The following SLC6A17 variants were observed in gnomAD, a reference collection of about 807,000 sequenced individuals.
SLC6A17 encodes the protein solute carrier family 6 member 17.
Under a neutral mutation model 64.5 loss-of-function variants are expected in SLC6A17, and 21 were observed. The observed-to-expected ratio is 0.33, with a 90% confidence interval of 0.23 to 0.47. SLC6A17 has a LOEUF of 0.47. Among genes scored for constraint, SLC6A17 ranks in the 20% least tolerant of loss-of-function variants. The pLI, the probability that SLC6A17 is intolerant of heterozygous loss-of-function variation, is 1.00. For missense variants in SLC6A17, 682 were observed against 963.2 expected, an observed-to-expected ratio of 0.71 and a Z score of 3.86; for synonymous variants, 372 against 399.5, an observed-to-expected ratio of 0.93 and a Z score of 0.82.
At chr1:110,174,640 C>T in intron 4 of SLC6A17, 139 bp from the exon 5 acceptor site, 1 of 1,075,968 alleles carries the variant, frequency 9.3e-7, no homozygotes, top group East Asian at 2.5e-5. Context: ...CCCGGCTAAC[C>T]CAAGATGAGC....
rs1553206860 is a variant in SLC6A17 at position 110,187,123 on chromosome 1, A to AAAAAAAC, written c.865-4844_865-4843insACAAAAA. On this transcript the variant is annotated intron_variant, in intron 6 of 11. Coordinates refer to ENST00000331565, the MANE Select transcript of SLC6A17 (RefSeq NM_001010898.4). ...CCAGAGCTGTGTTCATCTTGTTAAAAAAAAACAAAAACAAAAACAAAAAAC... is the reference window on the plus strand; with the variant it reads ...CCAGAGCTGTGTTCATCTTGTTAAAAAAAAAACAAAAACAAAAACAAAAACAAAAAAC... Among the ~76,000 whole-genome samples, 430 of 151,766 alleles carry AAAAAAAC rather than the reference A, an allele frequency of 2.8e-3. 1 individual carries two copies. Among genetic ancestry groups the AAAAAAAC allele is most frequent in the African/African-American group, 9.8e-3 (403 of 41,320 alleles).
At position 110,198,300 on chromosome 1, in the gene SLC6A17, G is replaced by A. The variant is rs1161888477; in HGVS notation, c.2040G>A (p.Val680=). 4 of 1,614,154 alleles carry A rather than the reference G, an allele frequency of 2.5e-6. No homozygotes were observed. In the South Asian group the frequency reaches 4.4e-5, roughly 18 times the overall value. The change falls in exon 12 of 12, where the codon GTG becomes GTA. Residue 680 remains valine, a synonymous_variant. Coordinates refer to ENST00000331565, the MANE Select transcript of SLC6A17 (RefSeq NM_001010898.4). ...AGACCCGCTTCATCCTCAGCAAGGT[G>A]CCCAGTGAGGCACCTTCCCCCATGC... The part of the protein sequence containing the change: ...NDETRFILSK[V]PSEAPSPMPT...
Position 110,174,769 on chromosome 1 carries a change from G to C in SLC6A17, c.572-10G>C, listed in dbSNP as rs765632054. The stretch of plus-strand genomic sequence containing the variant: ...CCACTGAGGCCCTGTGACCTTTGCT[G>C]CTATTTCAGTGGTGGAGGCAGAGTG... On this transcript the variant is annotated splice_polypyrimidine_tract_variant and intron_variant, in intron 4 of 11. Coordinates refer to ENST00000331565, the MANE Select transcript of SLC6A17 (RefSeq NM_001010898.4). 14 of 1,613,132 alleles carry C rather than the reference G, an allele frequency of 8.7e-6. No individual in the cohort carries two copies. The highest frequency in any genetic ancestry group is 1.3e-5 in the African/African-American group (1 of 74,926).
At chr1:110,181,006 C>T (rs573391031) in intron 6 of SLC6A17, among the ~76,000 whole-genome samples, 136 of 152,192 alleles carry the variant, frequency 8.9e-4, no homozygotes, top group Admixed American at 3.3e-3. Flanking sequence ...AGACAGTTAC[C>T]GGGTATGATG....
intron 6 of SLC6A17, among the ~76,000 whole-genome samples, chr1:110,183,660 G>C (rs1656589223): frequency 6.6e-6 from 1 of 152,160 alleles, no homozygotes; most frequent in African/African-American, 2.4e-5. Context: ...ATAAGCAGGA[G>C]GGAGAGACTG....
intron 1 of SLC6A17, among the ~76,000 whole-genome samples, chr1:110,155,507 G>C (rs961798024): frequency 1.3e-5 from 2 of 152,118 alleles, no homozygotes; most frequent in African/African-American, 4.8e-5. Context: ...CCTAACTAGG[G>C]AGTTGAGGCA....
At chr1:110,186,260 C>T (rs1254031801) in intron 6 of SLC6A17, among the ~76,000 whole-genome samples, 1 of 151,980 alleles carries the variant, frequency 6.6e-6, no homozygotes, top group Non-Finnish European at 1.5e-5. Flanking sequence ...GTGGCTGCCT[C>T]CATTTATGAA....
intron 2 of SLC6A17, 104 bp downstream of exon 2, chr1:110,167,319 G>A: frequency 7.1e-7 from 1 of 1,413,052 alleles, no homozygotes; most frequent in Non-Finnish European, 9.4e-7. Context: ...AGCCCTTGTA[G>A]GTTGGAGCTC....
chr1:110,193,409 A>T (rs1007846094), intron 8 of SLC6A17, among the ~76,000 whole-genome samples: 2 of 152,194 alleles, frequency 1.3e-5, no homozygotes, highest in Non-Finnish European at 2.9e-5. Context: ...ATTTATACTT[A>T]CATAGCTGGA....
intron 6 of SLC6A17, among the ~76,000 whole-genome samples, chr1:110,190,279 G>A (rs780050990): frequency 6.6e-6 from 1 of 152,178 alleles, no homozygotes; most frequent in Non-Finnish European, 1.5e-5. Context: ...TGTGCTGGAT[G>A]GGGGACCTTA....
chr1:110,152,886 T>G (rs1479382718), intron 1 of SLC6A17, among the ~76,000 whole-genome samples: 3 of 152,206 alleles, frequency 2.0e-5, no homozygotes, highest in Non-Finnish European at 2.9e-5. Flanking sequence ...CTTTCTCTCA[T>G]TGCTTCTGCT....
Position 110,192,552 on chromosome 1 carries a change from C to T in SLC6A17, c.1153C>T (p.Arg385Trp), listed in dbSNP as rs751953049. 110 of 1,614,028 alleles carry T rather than the reference C, an allele frequency of 6.8e-5. No individual in the cohort carries two copies. The highest frequency in any genetic ancestry group is 9.9e-5 in the South Asian group (9 of 91,084). ...LGYLNTNVLS[R>W]DLIPPHVNFS... is the part of the protein sequence containing the mutation. ...GTACCTTAACACCAACGTCCTGAGC[C>T]GGGACCTCATCCCACCCCACGTCAA... Residue 385 changes from arginine to tryptophan, a missense_variant, in exon 8 of 12, where the codon CGG becomes TGG. By Grantham distance (101) the Arg-to-Trp change is moderately radical. Around this residue, in one of 3 missense-constraint regions of SLC6A17, gnomAD observed 415 missense variants for 603.8 expected, o/e 0.69. Coordinates refer to ENST00000331565, the MANE Select transcript of SLC6A17 (RefSeq NM_001010898.4). This position sits in a 1 kb window ranked among gnomAD's most constrained non-coding sequence, Gnocchi z 4.3.
At chr1:110,167,601 C>T (rs568594445) in intron 2 of SLC6A17, among the ~76,000 whole-genome samples, 3 of 152,142 alleles carry the variant, frequency 2.0e-5, no homozygotes, top group Non-Finnish European at 4.4e-5. Flanking sequence ...CTACCTGACA[C>T]GGTAAGGAGC....
chr1:110,182,552 C>G (rs1025615571), intron 6 of SLC6A17, among the ~76,000 whole-genome samples: 1 of 151,586 alleles, frequency 6.6e-6, no homozygotes, highest in African/African-American at 2.4e-5. Flanking sequence ...GCACTGGGGC[C>G]CTGGTGTTTA....
At chr1:110,163,997 A>C (rs1389538891) in intron 1 of SLC6A17, among the ~76,000 whole-genome samples, 1 of 151,910 alleles carries the variant, frequency 6.6e-6, no homozygotes, top group East Asian at 1.9e-4. Context: ...ATGGAGATAC[A>C]TGGAGTCACC....
At position 110,167,063 on chromosome 1, in the gene SLC6A17, G is replaced by A; in HGVS notation, c.134G>A (p.Gly45Asp). Residue 45 changes from glycine to aspartate, a missense_variant, in exon 2 of 12, where the codon GGC becomes GAC. Around this residue, in one of 3 missense-constraint regions of SLC6A17, gnomAD observed 415 missense variants for 603.8 expected, o/e 0.69. Transcript: ENST00000331565. Reference protein sequence around the residue: ...QSVLNVAGEAGGKQKAVEEEL... With the variant: ...QSVLNVAGEADGKQKAVEEEL... The stretch of plus-strand genomic sequence containing the variant: ...GTACTGAATGTGGCTGGTGAGGCAG[G>A]CGGCAAGCAGAAGGCGGTGGAGGAG... 6.2e-7 allele frequency: 1 copy of A among 1,610,442 alleles called. No individual in the cohort carries two copies. The highest frequency in any genetic ancestry group is 1.1e-5 in the South Asian group (1 of 90,608).
At chr1:110,159,666 G>A (rs973899600) in intron 1 of SLC6A17, among the ~76,000 whole-genome samples, 4 of 152,196 alleles carry the variant, frequency 2.6e-5, no homozygotes, top group African/African-American at 7.2e-5. Context: ...GGAAGGTACA[G>A]CACAAATACT....
At chr1:110,159,060 G>C (rs1655831921) in intron 1 of SLC6A17, among the ~76,000 whole-genome samples, 2 of 152,148 alleles carry the variant, frequency 1.3e-5, no homozygotes, top group South Asian at 2.1e-4. Context: ...AGTAACAGTG[G>C]TATCTACCTG....
chr1:110,174,331 T>C (rs1656316065), intron 4 of SLC6A17, among the ~76,000 whole-genome samples: 1 of 152,144 alleles, frequency 6.6e-6, no homozygotes, highest in African/African-American at 2.4e-5. Context: ...AAGCGTGACT[T>C]TAACTGTTAT....
Sources: gnomAD v4.1 joint callset for allele counts (sites outside exome capture counted in the v4.1 genomes callset) on GRCh38, gnomAD v4.1.1 for gene constraint, gnomAD v4.1.1 regional missense constraint, Gnocchi (gnomAD v3.1) non-coding constraint, MANE v1.5 for transcripts, NCBI Gene and HGNC (gene_info 2026-07-23, HGNC 2026-07-21) for gene names.